Variants in SLC44A2 observed in about 807,000 individuals in gnomAD.
SLC44A2 encodes choline transporter-like protein 2.
A neutral mutation model predicts 90.8 loss-of-function variants in SLC44A2; 57 were observed. The observed-to-expected ratio is 0.63, with a 90% CI of 0.51 to 0.78. SLC44A2 has a LOEUF of 0.78. SLC44A2 is among the 30% of genes least tolerant of loss of function. The pLI, the probability that SLC44A2 is intolerant of heterozygous loss-of-function variation, is 0.00. For synonymous variants in SLC44A2, 355 were observed against 360.7 expected (o/e 0.98, Z 0.18); for missense variants, 794 against 919.7 (o/e 0.86, Z 1.77).
At chr19:10,615,082 A>C (rs2066845339) in intron 1 of SLC44A2, among the ~76,000 whole-genome samples, 1 of 151,460 alleles carries the variant, frequency 6.6e-6, no homozygotes, top group African/African-American at 2.4e-5. Context: ...AAATATTAAA[A>C]TGTAAGGAAA....
Position 10,636,387 on chromosome 19 carries a change from G to A in SLC44A2, c.1298G>A (p.Gly433Asp). 6.2e-7 allele frequency: 1 copy of A among 1,613,804 alleles called. No homozygotes were observed. Among genetic ancestry groups the A allele is most frequent in the Non-Finnish European group, 8.5e-7 (1 of 1,179,992 alleles). Residue 433 changes from glycine (G) to aspartate (D), a missense_variant, in exon 15 of 22, where the codon GGT becomes GAT. Physicochemically the swap from Gly to Asp is moderately conservative, Grantham distance 94 (BLOSUM62 -1). This residue lies in a region of SLC44A2 where 738 missense variants were observed against 841.1 expected (regional missense o/e 0.88). Transcript: ENST00000335757. ...GCCCGTTGCCAGTTCGCCTTCTACG[G>A]TGGTGAGTCGGGCTACCACCGGGCC... Reference protein sequence around the residue: ...PNARCQFAFYGGESGYHRALL... With the variant: ...PNARCQFAFYDGESGYHRALL...
intron 1 of SLC44A2, among the ~76,000 whole-genome samples, chr19:10,603,432 C>T (rs986086807): frequency 4.6e-5 from 7 of 152,198 alleles, no homozygotes; most frequent in East Asian, 3.8e-4. Context: ...AGCACTGTCG[C>T]GCCCCTCTTT....
At chr19:10,611,060 G>T (rs987556988) in intron 1 of SLC44A2, among the ~76,000 whole-genome samples, 1 of 151,990 alleles carries the variant, frequency 6.6e-6, no homozygotes, top group African/African-American at 2.4e-5. Flanking sequence ...CCCCAGGCTG[G>T]TTGAATTCCC....
chr19:10,610,511 T>G (rs1399177189), intron 1 of SLC44A2, among the ~76,000 whole-genome samples: 2 of 149,846 alleles, frequency 1.3e-5, no homozygotes, highest in African/African-American at 4.9e-5. Context: ...TTTTTGTATT[T>G]TTTTAGTAGA....
At chr19:10,629,703 A>G (rs1044406991) in intron 4 of SLC44A2, among the ~76,000 whole-genome samples, 11 of 151,834 alleles carry the variant, frequency 7.2e-5, no homozygotes, top group Non-Finnish European at 1.6e-4. Flanking sequence ...TGGGCCTTCC[A>G]AAGTGCTGGC....
intron 1 of SLC44A2, among the ~76,000 whole-genome samples, chr19:10,615,704 G>A (rs894409010): frequency 2.0e-5 from 3 of 152,186 alleles, no homozygotes; most frequent in Admixed American, 6.6e-5. Flanking sequence ...GAACCATGAA[G>A]CTCAAACCTG....
In SLC44A2 at chr19:10,606,737, G is replaced by A. The variant is rs537541789; in HGVS notation, c.31+4176G>A. On this transcript the variant is annotated intron_variant, in intron 1 of 21. Transcript: ENST00000407327. ...GAGACAGGAGAATTGCTTGAACCCA[G>A]GAGGCAGAGGTTGCAGTGAGCTGAG... Among the ~76,000 whole-genome samples the A allele has an allele frequency of 1.6e-3, 243 of 151,988 alleles. 2 individuals carry two copies. Among genetic ancestry groups the A allele is most frequent in the African/African-American group, 5.7e-3 (237 of 41,500 alleles).
At chr19:10,635,778 T>C in intron 14 of SLC44A2, 1 of 343,758 alleles carries the variant, frequency 2.9e-6, no homozygotes, top group Non-Finnish European at 5.3e-6. Flanking sequence ...ACTTCCTTTT[T>C]TTTTTTTTTT....
chr19:10,635,215 T>C lies in SLC44A2; in HGVS notation c.1108T>C (p.Leu370=). 6.2e-7 allele frequency: 1 copy of C among 1,614,108 alleles called. No homozygotes were observed. ...GCTCTACCCACTGGTCACCTTCTTCTTGCTGTGCCTCTGCATCGCCTACTG... is the reference window on the plus strand; with the variant it reads ...GCTCTACCCACTGGTCACCTTCTTCCTGCTGTGCCTCTGCATCGCCTACTG... ...SLLYPLVTFF[L]LCLCIAYWAS... is the part of the protein sequence containing the mutation. Residue 370 remains leucine (L), a synonymous_variant, in exon 13 of 22, where the codon TTG becomes CTG. Coordinates refer to ENST00000335757, the MANE Select transcript of SLC44A2 (RefSeq NM_020428.4).
Position 10,636,396 on chromosome 19 carries a change from C to T in SLC44A2, c.1307C>T (p.Ser436Leu), listed in dbSNP as rs1395706959. 5.6e-6 allele frequency: 9 copies of T among 1,613,824 alleles called. No homozygotes were observed. The highest frequency in any genetic ancestry group is 4.0e-5 in the African/African-American group (3 of 74,856). ...RCQFAFYGGE[S>L]GYHRALLGLQ... ...CAGTTCGCCTTCTACGGTGGTGAGT[C>T]GGGCTACCACCGGGCCCTGCTGGGC... The change falls in exon 15 of 22, where the codon TCG (serine) becomes TTG (leucine). Residue 436 changes from serine to leucine, a missense_variant. Physicochemically the swap from Ser to Leu is moderately radical, Grantham distance 145. This residue lies in a region of SLC44A2 where 738 missense variants were observed against 841.1 expected (regional missense o/e 0.88). Coordinates refer to ENST00000335757, the MANE Select transcript of SLC44A2 (RefSeq NM_020428.4).
Position 10,631,654 on chromosome 19 carries a change from C to A in SLC44A2, c.531C>A (p.His177Gln). 6.2e-7 allele frequency: 1 copy of A among 1,613,684 alleles called. No individual in the cohort carries two copies. Among genetic ancestry groups the A allele is most frequent in the Non-Finnish European group, 8.5e-7 (1 of 1,180,036 alleles). The change falls in exon 8 of 22, where the codon CAC (histidine) becomes CAA (glutamine). Residue 177 changes from histidine to glutamine, a missense_variant. Coordinates refer to ENST00000335757, the MANE Select transcript of SLC44A2 (RefSeq NM_020428.4). ...CCCGGAGATGCTTCCCCGCTATCCA[C>A]GCCTACAAGGGTGTCCTGATGGTGG... is the stretch of plus-strand genomic sequence containing the variant. ...PLARRCFPAI[H>Q]AYKGVLMVGN...
At chr19:10,636,240 C>G in intron 14 of SLC44A2, 83 bp from the exon 15 acceptor site, 1 of 1,493,404 alleles carries the variant, frequency 6.7e-7, no homozygotes, top group Non-Finnish European at 9.0e-7. Flanking sequence ...TCATGGTTTT[C>G]CTGGCCCCAC....
At chr19:10,609,157 C>T (rs1307031334) in intron 1 of SLC44A2, among the ~76,000 whole-genome samples, 2 of 151,886 alleles carry the variant, frequency 1.3e-5, no homozygotes, top group Non-Finnish European at 2.9e-5. Flanking sequence ...GGGGTTTCAC[C>T]ATATTGGCCA....
At chr19:10,641,013 G>C (rs544905921) in intron 20 of SLC44A2, 2 of 370,768 alleles carry the variant, frequency 5.4e-6, no homozygotes, top group African/African-American at 4.3e-5. Context: ...CTTGAACCCG[G>C]GAGGTGGAGG....
rs374284751 is a variant in SLC44A2 at position 10,636,703 on chromosome 19, C to T, written c.1538C>T (p.Ala513Val). The T allele has an allele frequency of 3.1e-6, 5 of 1,613,746 alleles. No individual in the cohort carries two copies. The African/African-American group carries it at 6.7e-5, about 22-fold the overall frequency. The stretch of plus-strand genomic sequence containing the variant: ...CTGGCCTTTGGCGCGCTCATCCTGG[C>T]CATTGTGCAGATCATCCGTGTGATA... ...GSLAFGALILAIVQIIRVILE... is the reference protein window; with the variant it reads ...GSLAFGALILVIVQIIRVILE... Residue 513 changes from alanine to valine, a missense_variant, in exon 16 of 22, where the codon GCC (alanine) becomes GTC (valine). Physicochemically the swap from Ala to Val is moderately conservative, Grantham distance 64. Transcript: ENST00000335757.
At chr19:10,603,493 GGGCCGGAAAC>G (rs1188357348) in intron 1 of SLC44A2, among the ~76,000 whole-genome samples, 2 of 152,196 alleles carry the variant, frequency 1.3e-5, no homozygotes, top group African/African-American at 2.4e-5. Context: ...CCTGGGGAGG[GGGCCGGAAAC>G]GGCTCGAAAA....
chr19:10,623,472 G>A (rs2066906528), upstream of SLC44A2, among the ~76,000 whole-genome samples: 1 of 152,068 alleles, frequency 6.6e-6, no homozygotes, highest in African/African-American at 2.4e-5. Flanking sequence ...TTCCTGCTGA[G>A]GATACCTCCA....
intron 4 of SLC44A2, among the ~76,000 whole-genome samples, chr19:10,629,635 T>C (rs2066972395): frequency 6.6e-6 from 1 of 151,888 alleles, no homozygotes; most frequent in African/African-American, 2.4e-5. Context: ...TGTCAGCCAG[T>C]GGCAGGATCA....
intron 1 of SLC44A2, among the ~76,000 whole-genome samples, chr19:10,610,631 C>CTTTTTTTTTTTTTTTTTTTT (rs56002726): frequency 2.1e-5 from 1 of 48,014 alleles, no homozygotes; most frequent in African/African-American, 9.2e-5. Context: ...CCGCGCCTGG[C>CTTTTTTTTTTTTTTTTTTTT]TTTTTTTTTT....
Sources: gnomAD v4.1 joint callset for allele counts (sites outside exome capture counted in the v4.1 genomes callset) on GRCh38, gnomAD v4.1.1 for gene constraint, gnomAD v4.1.1 regional missense constraint, MANE v1.5 for transcripts, NCBI Gene and HGNC (gene_info 2026-07-23, HGNC 2026-07-21) for gene names.